Variants in TTC5 observed in about 807,000 individuals in gnomAD.
TTC5 encodes tetratricopeptide repeat domain 5.
In TTC5, 46 loss-of-function variants were observed where a neutral mutation model predicts 57.4. The observed-to-expected ratio is 0.80, with a 90% CI of 0.63 to 1.03. The LOEUF (loss-of-function observed/expected upper bound fraction) is 1.03, where lower values mean the gene tolerates loss of function less well. Ranked by LOEUF, TTC5 falls within the 50% of genes least tolerant of loss-of-function variation. The pLI is 0.00. For synonymous variants in TTC5, 190 were observed against 203.5 expected, an observed-to-expected ratio of 0.93 and a Z score of 0.57; for missense variants, 504 against 528.1, an observed-to-expected ratio of 0.95 and a Z score of 0.45.
chr14:20,295,238 T>G, intron 8 of TTC5, 74 bp downstream of exon 8: 1 of 1,396,980 alleles, frequency 7.2e-7, no homozygotes, highest in Non-Finnish European at 1.0e-6. Context: ...TCTCCTCAAC[T>G]GCCAGGGAAA....
chr14:20,301,303 G>A (rs978360452), intron 2 of TTC5, among the ~76,000 whole-genome samples: 3 of 152,188 alleles, frequency 2.0e-5, no homozygotes, highest in Admixed American at 1.3e-4. Context: ...AGTACATGTG[G>A]CCATGTTCAT....
chr14:20,297,225 T>C (rs1347734572), intron 5 of TTC5, among the ~76,000 whole-genome samples: 1 of 152,114 alleles, frequency 6.6e-6, no homozygotes, highest in Non-Finnish European at 1.5e-5. Context: ...AAATTCAGAC[T>C]CTAACTAAAA....
intron 4 of TTC5, 38 bp downstream of exon 4, chr14:20,299,260 C>T (rs763415984): frequency 4.4e-6 from 7 of 1,603,142 alleles, no homozygotes; most frequent in Non-Finnish European, 6.0e-6. Flanking sequence ...AAAACATCTG[C>T]TCTAGAAACC....
chr14:20,301,520 G>A (rs898708040), intron 2 of TTC5, among the ~76,000 whole-genome samples: 3 of 151,314 alleles, frequency 2.0e-5, no homozygotes, highest in African/African-American at 7.2e-5. Context: ...ATGAAGTAAT[G>A]ATTTAGAAAG....
At position 20,288,921 on chromosome 14, in the gene TTC5, T is replaced by C. The variant is rs1019772012; in HGVS notation, c.*706A>G. The C allele has an allele frequency of 6.6e-6, 1 of 152,212 alleles. No individual in the cohort carries two copies. The highest frequency in any genetic ancestry group is 1.5e-5 in the Non-Finnish European group (1 of 68,046). 9.4% of individuals were successfully genotyped at this position (152,212 alleles called of 1,614,324 possible). On this transcript the variant is annotated 3_prime_UTR_variant, in exon 10 of 10. Transcript: ENST00000258821. ...AGACCACCCCTAGGGAATGACAGAA[T>C]GGGAAAATGGAAGAAAGCTGGTCTC...
At chr14:20,291,936 T>C in intron 9 of TTC5, 47 bp downstream of exon 9, 2 of 1,452,096 alleles carry the variant, frequency 1.4e-6, no homozygotes, top group Non-Finnish European at 1.8e-6. Flanking sequence ...AGCTTGGTTC[T>C]ACTTTTAGAG....
rs904662160 is a variant in TTC5, at chr14:20,289,076, C to T, written c.*551G>A. 6.7e-6 allele frequency: 1 copy of T among 149,672 alleles called. No individual in the cohort carries two copies. The highest frequency in any genetic ancestry group is 2.4e-5 in the African/African-American group (1 of 40,872). 9.3% of individuals were successfully genotyped at this position (149,672 alleles called of 1,614,324 possible). ...TATTACTCCAATAAATTGAAGTGAT[C>T]CTAAAACAAAGAATACAGGCCTAGG... On this transcript the variant is annotated 3_prime_UTR_variant, in exon 10 of 10. Transcript: ENST00000258821.
At chr14:20,304,438 T>C (rs1262470742) in intron 1 of TTC5, among the ~76,000 whole-genome samples, 1 of 152,256 alleles carries the variant, frequency 6.6e-6, no homozygotes, top group East Asian at 1.9e-4. Flanking sequence ...TGAAACTGTC[T>C]GTAAAACACA....
Position 20,292,092 on chromosome 14 carries a change from T to C in TTC5, c.1094A>G (p.Tyr365Cys), listed in dbSNP as rs781574201. Residue 365 changes from tyrosine (Y) to cysteine (C), a missense_variant, in exon 9 of 10, where the codon TAT (tyrosine) becomes TGT (cysteine). Tyr to Cys is a radical substitution (Grantham distance 194, BLOSUM62 -2). Coordinates refer to ENST00000258821, the MANE Select transcript of TTC5 (RefSeq NM_138376.3). ...FGLVDSDGPC[Y>C]AVMVYNIVQS... ...CACTATATTGTACACCATCACTGCA[T>C]AGCAAGGTCCATCTGAATCTACCAG... 5.0e-6 allele frequency: 8 copies of C among 1,586,994 alleles called. No individual in the cohort carries two copies. The highest frequency in any genetic ancestry group is 1.8e-5 in the Admixed American group (1 of 56,630).
intron 4 of TTC5, 90 bp downstream of exon 4, chr14:20,299,208 G>T: frequency 6.9e-7 from 1 of 1,441,622 alleles, no homozygotes; most frequent in Non-Finnish European, 9.5e-7. Context: ...TTAAACCTCA[G>T]AATCACACTC....
In TTC5 at chr14:20,286,379, T is replaced by C. The variant is rs1881838276; in HGVS notation, c.*3248A>G. On this transcript the variant is annotated 3_prime_UTR_variant, in exon 10 of 10. Coordinates refer to ENST00000258821, the MANE Select transcript of TTC5 (RefSeq NM_138376.3). ...AGAAACAGGAATGGACAAAGAAATG[T>C]AATTTATGCCTACTATGTGATATTT... 1 of 152,116 alleles carries C rather than the reference T, an allele frequency of 6.6e-6. No homozygotes were observed. The highest frequency in any genetic ancestry group is 1.5e-5 in the Non-Finnish European group (1 of 68,012). The allele number at this position is 152,116 out of a possible 1,614,324, so 9.4% of individuals were successfully genotyped here.
intron 1 of TTC5, chr14:20,305,412 C>CTT (rs2138822131): frequency 6.4e-6 from 1 of 156,984 alleles, no homozygotes; most frequent in East Asian, 1.9e-4. Flanking sequence ...TGGAATTACA[C>CTT]AGGTTGAAAG....
chr14:20,299,232 CA>C, intron 4 of TTC5, 65 bp downstream of exon 4: 1 of 1,557,452 alleles, frequency 6.4e-7, no homozygotes, highest in Non-Finnish European at 8.8e-7. Flanking sequence ...AGAGGGACTG[CA>C]AATGTTGCTC....
At chr14:20,297,159 C>T (rs1026249270) in intron 5 of TTC5, among the ~76,000 whole-genome samples, 3 of 152,196 alleles carry the variant, frequency 2.0e-5, no homozygotes, top group Non-Finnish European at 4.4e-5. Flanking sequence ...TAGCTCCAGA[C>T]ACATGCGGAA....
In TTC5 at chr14:20,286,988, T is replaced by C. The variant is rs571868062; in HGVS notation, c.*2639A>G. ...TGTATTTGCAATACCTAAAAGATAA[T>C]ACCAAGCACAGAAGAGGATGGGGAG... On this transcript the variant is annotated 3_prime_UTR_variant, in exon 10 of 10. Coordinates refer to ENST00000258821, the MANE Select transcript of TTC5 (RefSeq NM_138376.3). The C allele has an allele frequency of 1.3e-5, 2 of 152,056 alleles. No individual in the cohort carries two copies. The highest frequency in any genetic ancestry group is 3.9e-4 in the East Asian group (2 of 5,186). 9.4% of individuals were successfully genotyped at this position (152,056 alleles called of 1,614,324 possible).
chr14:20,299,820 G>A (rs920529815), intron 3 of TTC5, among the ~76,000 whole-genome samples: 7 of 145,560 alleles, frequency 4.8e-5, no homozygotes, highest in East Asian at 2.1e-4. Flanking sequence ...CCCAAAGCGC[G>A]GGATTACAGG....
chr14:20,289,009 G>A lies in TTC5; in HGVS notation c.*618C>T, dbSNP rs1057251077. ...GTCTATTGTCGGAATTCTTTTAACT[G>A]GGAGAGAAATAAACTGCTTTGTATA... On this transcript the variant is annotated 3_prime_UTR_variant, in exon 10 of 10. Transcript: ENST00000258821. 1 of 151,610 alleles carries A rather than the reference G, an allele frequency of 6.6e-6. No homozygotes were observed. The highest frequency in any genetic ancestry group is 1.9e-4 in the East Asian group (1 of 5,184). 9.4% of individuals were successfully genotyped at this position (151,610 alleles called of 1,614,324 possible). A position where few individuals can be genotyped will look rare whatever the true frequency, so the allele number is the denominator to read the frequency against.
At position 20,296,422 on chromosome 14, in the gene TTC5, T is replaced by C. The variant is rs1566390413; in HGVS notation, c.664A>G (p.Ser222Gly). The change falls in exon 6 of 10, where the codon AGC (serine) becomes GGC (glycine). Residue 222 changes from serine to glycine, a missense_variant. Ser to Gly is a moderately conservative substitution (Grantham distance 56). Coordinates refer to ENST00000258821, the MANE Select transcript of TTC5 (RefSeq NM_138376.3). The part of the protein sequence containing the change: ...QAEKVDRKAS[S>G]NPDLHLNRAT... ...CTGTTCAGATGAAGGTCAGGATTGC[T>C]AGAAGCTTTTCTGTCAACTTTCTCC... The C allele has an allele frequency of 2.5e-6, 4 of 1,613,300 alleles. No individual in the cohort carries two copies. The Admixed American group carries it at 5.0e-5, about 20-fold the overall frequency.
At chr14:20,299,217 T>C in intron 4 of TTC5, 81 bp downstream of exon 4, 1 of 1,493,636 alleles carries the variant, frequency 6.7e-7, no homozygotes, top group South Asian at 1.2e-5. Flanking sequence ...AGAATCACAC[T>C]CAAAAGAGGG....
Sources: gnomAD v4.1 joint callset for allele counts (sites outside exome capture counted in the v4.1 genomes callset) on GRCh38, gnomAD v4.1.1 for gene constraint, MANE v1.5 for transcripts, NCBI Gene and HGNC (gene_info 2026-07-23, HGNC 2026-07-21) for gene names.